ZC3H12B: variants seen among roughly 807,000 people sequenced by gnomAD.
ZC3H12B encodes probable ribonuclease ZC3H12B.
Under a neutral mutation model 43.9 loss-of-function variants are expected in ZC3H12B, and 7 were observed. The ratio of observed to expected loss-of-function variants is 0.16; its 90% CI spans 0.09 to 0.30. ZC3H12B has a LOEUF of 0.30. ZC3H12B is among the 10% of genes least tolerant of loss of function. The pLI is 1.00. For synonymous variants in ZC3H12B, 222 were observed against 241.7 expected (o/e 0.92, Z 0.76); for missense variants, 475 against 670.2 (o/e 0.71, Z 3.22).
the ZC3H12B span, among the ~76,000 whole-genome samples, chrX:65,221,921 CTGA>C: frequency 1.8e-5 from 2 of 111,079 alleles, no homozygotes; most frequent in South Asian, 7.5e-4. Flanking sequence ...ACCAATATTC[CTGA>C]TGAACATAGA....
At chrX:65,351,692 T>C in the ZC3H12B span, among the ~76,000 whole-genome samples, 14 of 112,695 alleles carry the variant, frequency 1.2e-4, 1 homozygote, top group South Asian at 5.1e-3. Flanking sequence ...AAGACATTTA[T>C]GCAGCTAACA....
the ZC3H12B span, among the ~76,000 whole-genome samples, chrX:65,119,789 T>G: frequency 8.9e-6 from 1 of 112,164 alleles, no homozygotes; most frequent in Non-Finnish European, 1.9e-5. Flanking sequence ...GGTCTAATAT[T>G]TAAGTCTTTA....
intron 3 of ZC3H12B, among the ~76,000 whole-genome samples, chrX:65,430,195 C>A (rs2067138552): frequency 1.8e-5 from 2 of 111,552 alleles, no homozygotes; most frequent in African/African-American, 3.3e-5. Flanking sequence ...GCCTGAGCAG[C>A]TGCTCTGCCA....
the ZC3H12B span, among the ~76,000 whole-genome samples, chrX:65,107,065 A>G: frequency 1.8e-5 from 2 of 111,159 alleles, no homozygotes; most frequent in Admixed American, 9.6e-5. Context: ...GCCATTAGTA[A>G]CTTAGTTGAT....
At chrX:65,103,329 C>T in the ZC3H12B span, among the ~76,000 whole-genome samples, 4 of 112,002 alleles carry the variant, frequency 3.6e-5, no homozygotes, top group Non-Finnish European at 7.5e-5. Flanking sequence ...TCTGTTCCGC[C>T]CGGCTCTCAG....
chrX:65,112,770 C>T, the ZC3H12B span, among the ~76,000 whole-genome samples: 13 of 111,700 alleles, frequency 1.2e-4, no homozygotes, highest in Non-Finnish European at 1.7e-4. Flanking sequence ...CATCTAGTCA[C>T]TGAAGAGCTC....
At chrX:65,162,533 A>T in the ZC3H12B span, among the ~76,000 whole-genome samples, 1 of 111,432 alleles carries the variant, frequency 9.0e-6, no homozygotes, top group Non-Finnish European at 1.9e-5. Flanking sequence ...TTCATGACTG[A>T]TACCCTTTCT....
At chrX:65,281,257 G>A in the ZC3H12B span, among the ~76,000 whole-genome samples, 3 of 97,986 alleles carry the variant, frequency 3.1e-5, no homozygotes, top group Non-Finnish European at 4.1e-5. Context: ...TTTTGAGTCA[G>A]AGTCTTGCTC....
the ZC3H12B span, among the ~76,000 whole-genome samples, chrX:65,300,476 AG>A: frequency 2.7e-5 from 3 of 111,279 alleles, no homozygotes; most frequent in Admixed American, 2.9e-4. Flanking sequence ...CCTGAGAAAA[AG>A]ACCCCCATCC....
At chrX:65,303,354 A>T in the ZC3H12B span, among the ~76,000 whole-genome samples, 2 of 111,700 alleles carry the variant, frequency 1.8e-5, no homozygotes, top group African/African-American at 6.5e-5. Flanking sequence ...GTACCGCCGA[A>T]CCTAAAATAA....
the ZC3H12B span, among the ~76,000 whole-genome samples, chrX:65,347,513 A>G: frequency 2.7e-5 from 3 of 112,378 alleles, no homozygotes; most frequent in African/African-American, 9.7e-5. Context: ...CATCAGAGAA[A>G]TGCAAATCAA....
chrX:65,373,203 A>G (rs1410258812), intron 2 of ZC3H12B, among the ~76,000 whole-genome samples: 1 of 112,278 alleles, frequency 8.9e-6, no homozygotes, highest in Non-Finnish European at 1.9e-5. Context: ...ACCATCTCAA[A>G]CCATTTAGAA....
At chrX:65,213,239 G>C in the ZC3H12B span, among the ~76,000 whole-genome samples, 1 of 109,906 alleles carries the variant, frequency 9.1e-6, no homozygotes, top group Non-Finnish European at 1.9e-5. Flanking sequence ...CAAGTCTATT[G>C]TTTGGCTTGC....
At chrX:65,321,935 CAGG>C in the ZC3H12B span, among the ~76,000 whole-genome samples, 18 of 110,909 alleles carry the variant, frequency 1.6e-4, 1 homozygote, top group Non-Finnish European at 1.9e-5. Context: ...GATTACCTAT[CAGG>C]TACCATGTTT....
chrX:65,389,388 C>T (rs771318692), intron 2 of ZC3H12B, among the ~76,000 whole-genome samples: 16 of 112,498 alleles, frequency 1.4e-4, no homozygotes, highest in Middle Eastern at 4.6e-3. Flanking sequence ...TCTCAGACTG[C>T]TGTGCTAGCA....
the ZC3H12B span, among the ~76,000 whole-genome samples, chrX:65,311,384 A>AC: frequency 8.9e-6 from 1 of 112,631 alleles, no homozygotes; most frequent in Non-Finnish European, 1.9e-5. Flanking sequence ...CAACAGACAC[A>AC]TGAAAAAAAT....
chrX:65,179,333 C>A, the ZC3H12B span, among the ~76,000 whole-genome samples: 1 of 109,203 alleles, frequency 9.2e-6, no homozygotes, highest in East Asian at 2.9e-4. Flanking sequence ...TTGCAGCACA[C>A]CACCATGGCA....
intron 3 of ZC3H12B, among the ~76,000 whole-genome samples, chrX:65,464,988 T>C (rs2067798968): frequency 9.0e-6 from 1 of 111,286 alleles, no homozygotes; most frequent in Non-Finnish European, 1.9e-5. Context: ...GAACATAATT[T>C]ATATTATTTC....
At chrX:65,257,340 T>A in the ZC3H12B span, among the ~76,000 whole-genome samples, 9 of 111,222 alleles carry the variant, frequency 8.1e-5, no homozygotes, top group African/African-American at 2.9e-4. Flanking sequence ...ATTCTGAGCA[T>A]ACTATCGCAA....
Sources: gnomAD v4.1 joint callset for allele counts (sites outside exome capture counted in the v4.1 genomes callset) on GRCh38, gnomAD v4.1.1 for gene constraint, MANE v1.5 for transcripts, NCBI Gene and HGNC (gene_info 2026-07-23, HGNC 2026-07-21) for gene names.